Variants in PATJ observed in about 807,000 individuals in gnomAD.
The protein encoded by PATJ is PATJ crumbs cell polarity complex component, also known as inaD-like protein.
In PATJ, 190 loss-of-function variants were observed where a neutral mutation model predicts 224.9. The observed-to-expected ratio is 0.84, with a 90% confidence interval of 0.75 to 0.95. The LOEUF (loss-of-function observed/expected upper bound fraction) is 0.95, where lower values mean the gene tolerates loss of function less well. PATJ is among the 40% of genes least tolerant of loss of function. The pLI is 0.00. For synonymous variants in PATJ, 769 were observed against 820.3 expected (o/e 0.94, Z 1.07); for missense variants, 2,121 against 2,270.3 (o/e 0.93, Z 1.34).
intron 27 of PATJ, among the ~76,000 whole-genome samples, chr1:61,938,687 TA>T: frequency 6.6e-6 from 1 of 152,136 alleles, no homozygotes; most frequent in Non-Finnish European, 1.5e-5. Flanking sequence ...TCATCTCTGT[TA>T]AAAATAAATA....
chr1:61,754,797 C>G (rs1316398933), intron 1 of PATJ, among the ~76,000 whole-genome samples: 1 of 152,066 alleles, frequency 6.6e-6, no homozygotes, highest in Non-Finnish European at 1.5e-5. Context: ...TCATGATGAG[C>G]ACCTGTAGTC....
intron 28 of PATJ, among the ~76,000 whole-genome samples, chr1:61,993,605 G>T (rs940160706): frequency 6.6e-6 from 1 of 151,950 alleles, no homozygotes; most frequent in Non-Finnish European, 1.5e-5. Context: ...AATTCCAAGG[G>T]ATTAGGAGCT....
intron 20 of PATJ, among the ~76,000 whole-genome samples, chr1:61,870,760 A>T (rs1666211346): frequency 6.6e-6 from 1 of 152,172 alleles, no homozygotes; most frequent in South Asian, 2.1e-4. Context: ...GAATTGCTGG[A>T]TCATATGCTA....
At chr1:61,834,873 C>T (rs529031091) in intron 17 of PATJ, among the ~76,000 whole-genome samples, 8 of 152,142 alleles carry the variant, frequency 5.3e-5, no homozygotes, top group South Asian at 4.2e-4. Context: ...AGACTACAGG[C>T]GCCTACCACT....
At chr1:62,036,605 A>G (rs1231971476) in intron 29 of PATJ, among the ~76,000 whole-genome samples, 2 of 152,198 alleles carry the variant, frequency 1.3e-5, no homozygotes, top group African/African-American at 4.8e-5. Context: ...GAAGACATCC[A>G]TATATACAAT....
At chr1:62,027,325 C>T (rs571447593) in intron 29 of PATJ, among the ~76,000 whole-genome samples, 47 of 152,280 alleles carry the variant, frequency 3.1e-4, no homozygotes, top group Middle Eastern at 6.8e-3. Context: ...AATAACGTTC[C>T]ATTTTATGTA....
chr1:62,055,773 G>C (rs1654435018), intron 31 of PATJ, among the ~76,000 whole-genome samples: 1 of 152,158 alleles, frequency 6.6e-6, no homozygotes, highest in Non-Finnish European at 1.5e-5. Flanking sequence ...GTTCTCCGAA[G>C]AGACAGAACC....
intron 13 of PATJ, 68 bp from the exon 14 acceptor site, chr1:61,808,406 T>G: frequency 1.1e-6 from 1 of 921,446 alleles, no homozygotes; most frequent in South Asian, 1.4e-5. Context: ...TACAGATATT[T>G]TCAGAAAATG....
chr1:61,877,093 G>A (rs1667435477), intron 21 of PATJ, among the ~76,000 whole-genome samples: 1 of 152,134 alleles, frequency 6.6e-6, no homozygotes, highest in Non-Finnish European at 1.5e-5. Context: ...TCAAGACTCA[G>A]TGCACATGCT....
chr1:61,795,480 G>T lies in PATJ; in HGVS notation c.1182G>T (p.Gly394=). ...VGTSHTGEAS[G]IYVKSIIPGS... ...GTGCACCTTAAGGGGAAGCTTCAGG[G>T]ATTTATGTGAAAAGTATAATACCTG... is the stretch of plus-strand genomic sequence containing the variant. The change falls in exon 10 of 44, where the codon GGG becomes GGT. Residue 394 remains glycine (G), a synonymous_variant. Transcript: ENST00000642238. 6.3e-7 allele frequency: 1 copy of T among 1,599,224 alleles called. No individual in the cohort carries two copies. The highest frequency in any genetic ancestry group is 8.5e-7 in the Non-Finnish European group (1 of 1,170,170).
intron 18 of PATJ, among the ~76,000 whole-genome samples, chr1:61,857,658 A>G (rs1663909886): frequency 6.6e-6 from 1 of 152,232 alleles, no homozygotes; most frequent in Admixed American, 6.5e-5. Context: ...TGTAATATAT[A>G]TAAGAATCAC....
At chr1:62,127,183 T>A (rs1044792146) in intron 39 of PATJ, among the ~76,000 whole-genome samples, 7 of 152,124 alleles carry the variant, frequency 4.6e-5, no homozygotes, top group African/African-American at 1.7e-4. Flanking sequence ...TATATAATTA[T>A]TTTGAGATAA....
At chr1:61,846,326 G>C (rs1661950365) in intron 17 of PATJ, 1 of 152,080 alleles carries the variant, frequency 6.6e-6, no homozygotes, top group Non-Finnish European at 1.5e-5. Context: ...TTTGTGCTTA[G>C]GTTAAGTTGA....
chr1:61,922,800 G>A (rs373704592), intron 26 of PATJ, among the ~76,000 whole-genome samples: 23 of 152,262 alleles, frequency 1.5e-4, no homozygotes, highest in African/African-American at 4.8e-4. Flanking sequence ...GTGTTTATTG[G>A]TTACCTATAG....
chr1:61,872,976 C>T (rs1011275109), intron 20 of PATJ, among the ~76,000 whole-genome samples: 1 of 152,212 alleles, frequency 6.6e-6, no homozygotes, highest in Admixed American at 6.5e-5. Flanking sequence ...ATGAATGATC[C>T]TTCTCTTATC....
chr1:62,091,734 T>C (rs1246086992), intron 33 of PATJ, among the ~76,000 whole-genome samples: 4 of 151,700 alleles, frequency 2.6e-5, no homozygotes, highest in African/African-American at 9.7e-5. Context: ...CTCGGCAACA[T>C]AGTGAGACCC....
intron 41 of PATJ, among the ~76,000 whole-genome samples, chr1:62,140,364 G>T (rs1413465377): frequency 6.6e-6 from 1 of 152,044 alleles, no homozygotes; most frequent in African/African-American, 2.4e-5. Context: ...TTTAAAAATT[G>T]ATTTTTGGCC....
rs1229837123 is a variant in PATJ at position 62,106,079 on chromosome 1, T to TACACACACACAC, written c.4378-2328_4378-2317dup. ...AAAAAAAAAAATATATATATATATA[T>TACACACACACAC]ACACACACACACACACACACACACA... On this transcript the variant is annotated intron_variant, in intron 33 of 43. Transcript: ENST00000642238. 1.3e-3 allele frequency among the ~76,000 whole-genome samples: 27 copies of TACACACACACAC among 20,768 alleles called. 1 individual carries two copies. The highest frequency in any genetic ancestry group is 4.1e-3 in the South Asian group (1 of 242). The allele number at this position is 20,768 out of a possible 152,430, so 13.6% of individuals were successfully genotyped here.
chr1:62,119,758 G>A (rs531954423), intron 37 of PATJ, among the ~76,000 whole-genome samples: 1 of 152,044 alleles, frequency 6.6e-6, no homozygotes, highest in Non-Finnish European at 1.5e-5. Flanking sequence ...TGGCCAAAGA[G>A]CCTGGTGAAA....
Sources: gnomAD v4.1 joint callset for allele counts (sites outside exome capture counted in the v4.1 genomes callset) on GRCh38, gnomAD v4.1.1 for gene constraint, MANE v1.5 for transcripts, NCBI Gene and HGNC (gene_info 2026-07-23, HGNC 2026-07-21) for gene names.